The following EYA2 variants were observed in gnomAD, a reference collection of about 807,000 sequenced individuals.
EYA2 encodes the protein EYA transcriptional coactivator and phosphatase 2.
A neutral mutation model predicts 69.2 loss-of-function variants in EYA2; 31 were observed. The ratio of observed to expected loss-of-function variants is 0.45; its 90% confidence interval spans 0.34 to 0.60. EYA2 has a LOEUF of 0.60. Among genes scored for constraint, EYA2 ranks in the 20% least tolerant of loss-of-function variants. The probability of loss-of-function intolerance (pLI) is 0.02; values close to 1 mark genes in which losing one functional copy is unlikely to be tolerated. For missense variants in EYA2, 622 were observed against 701.2 expected (o/e 0.89, Z 1.28); for synonymous variants, 257 against 279.4 (o/e 0.92, Z 0.80).
intron 1 of EYA2, among the ~76,000 whole-genome samples, chr20:46,968,960 G>T (rs1346571890): frequency 6.6e-6 from 1 of 152,248 alleles, no homozygotes; most frequent in Non-Finnish European, 1.5e-5. Context: ...AAATCAACCA[G>T]TGTATGGAAA....
chr20:47,141,494 T>C (rs117145889), intron 9 of EYA2, among the ~76,000 whole-genome samples: 2 of 152,326 alleles, frequency 1.3e-5, no homozygotes, highest in East Asian at 1.9e-4. Context: ...GTGGAAACCA[T>C]TGTGCTGCAT....
chr20:46,925,402 A>G (rs1267069961), intron 1 of EYA2, among the ~76,000 whole-genome samples: 3 of 152,194 alleles, frequency 2.0e-5, no homozygotes, highest in Non-Finnish European at 4.4e-5. Flanking sequence ...ATAAATGACA[A>G]ACTGGGGGAA....
chr20:47,049,753 A>ACT (rs2030229131), intron 5 of EYA2, among the ~76,000 whole-genome samples: 2 of 152,108 alleles, frequency 1.3e-5, no homozygotes, highest in Non-Finnish European at 2.9e-5. Context: ...TGCTTTAAAA[A>ACT]TTACCCAGCT....
chr20:47,073,500 G>C (rs913075480), intron 6 of EYA2, among the ~76,000 whole-genome samples: 2 of 151,912 alleles, frequency 1.3e-5, no homozygotes, highest in South Asian at 2.1e-4. Flanking sequence ...GTCGTGGGGG[G>C]GGGGTGCAGT....
intron 1 of EYA2, among the ~76,000 whole-genome samples, chr20:46,960,857 G>A (rs1328125723): frequency 6.6e-6 from 1 of 152,108 alleles, no homozygotes; most frequent in East Asian, 1.9e-4. Flanking sequence ...AAGCTGTGGG[G>A]CCCCTTCCCT....
intron 14 of EYA2, 111 bp downstream of exon 14, chr20:47,181,047 G>T (rs544227364): frequency 6.9e-7 from 1 of 1,438,986 alleles, no homozygotes; most frequent in African/African-American, 1.4e-5. Context: ...TGGATGGAGT[G>T]TGCCTATGGC....
chr20:47,148,317 G>A lies in EYA2; in HGVS notation c.978+5169G>A, dbSNP rs912290567. 3.3e-5 allele frequency among the ~76,000 whole-genome samples: 5 copies of A among 152,146 alleles called. No homozygotes were observed. In the South Asian group the frequency reaches 1.0e-3, roughly 32 times the overall value. Reference sequence around the variant, plus strand: ...TCTAGGGCTGTAAGGATGGAGCTATGTGAAAGCAGTCAGCACAGAGCCTGG... The same window carrying A: ...TCTAGGGCTGTAAGGATGGAGCTATATGAAAGCAGTCAGCACAGAGCCTGG... On this transcript the variant is annotated intron_variant, in intron 10 of 15. Coordinates refer to ENST00000327619, the MANE Select transcript of EYA2 (RefSeq NM_005244.5).
chr20:47,036,768 CT>C (rs1373303363), intron 5 of EYA2, among the ~76,000 whole-genome samples: 1 of 152,178 alleles, frequency 6.6e-6, no homozygotes, highest in Non-Finnish European at 1.5e-5. Flanking sequence ...CCTATGTCAC[CT>C]GCATAACCAA....
At chr20:47,175,679 T>G in intron 12 of EYA2, among the ~76,000 whole-genome samples, 1 of 152,150 alleles carries the variant, frequency 6.6e-6, no homozygotes, top group African/African-American at 2.4e-5. Flanking sequence ...GGAAACAGCT[T>G]GAAGCACACT....
chr20:46,950,261 A>G lies in EYA2; in HGVS notation c.-10-39740A>G, dbSNP rs73908721. Among the ~76,000 whole-genome samples the G allele has an allele frequency of 7.8e-3, 1,190 of 152,296 alleles. 17 individuals are homozygous for G. The highest frequency in any genetic ancestry group is 0.027 in the African/African-American group (1,119 of 41,556). On this transcript the variant is annotated intron_variant, in intron 1 of 15. Transcript: ENST00000327619. ...GAATTATTATTTCCCAGCTGCCACT[A>G]ATCTGCAGGGGGACCTTGCAGCGAT...
At chr20:47,180,362 C>T (rs1020583731) in intron 13 of EYA2, among the ~76,000 whole-genome samples, 3 of 152,166 alleles carry the variant, frequency 2.0e-5, no homozygotes, top group African/African-American at 2.4e-5. Context: ...GTGCACAAGG[C>T]TCAGTGGATA....
chr20:47,122,582 T>G (rs998365949), intron 9 of EYA2, among the ~76,000 whole-genome samples: 1 of 151,794 alleles, frequency 6.6e-6, no homozygotes, highest in Non-Finnish European at 1.5e-5. Context: ...ACAGGCGTGT[T>G]TCTTAGTTTT....
chr20:47,108,763 A>G (rs547880117), intron 9 of EYA2, among the ~76,000 whole-genome samples: 1 of 151,774 alleles, frequency 6.6e-6, no homozygotes, highest in African/African-American at 2.4e-5. Context: ...CGAGGGTCTC[A>G]GTGGCTGGTC....
intron 9 of EYA2, among the ~76,000 whole-genome samples, chr20:47,102,695 C>T (rs746029964): frequency 3.3e-5 from 5 of 152,206 alleles, no homozygotes; most frequent in Non-Finnish European, 5.9e-5. Context: ...TTGAGGCTGT[C>T]ATCTCTTCAC....
rs149389348 is a variant in EYA2 at position 47,040,252 on chromosome 20, A to G, written c.415+23955A>G. Among the ~76,000 whole-genome samples the G allele has an allele frequency of 3.1e-4, 47 of 152,354 alleles. 1 individual carries two copies. The highest frequency in any genetic ancestry group is 1.1e-3 in the African/African-American group (47 of 41,592). On this transcript the variant is annotated intron_variant, in intron 5 of 15. Coordinates refer to ENST00000327619, the MANE Select transcript of EYA2 (RefSeq NM_005244.5). ...CCATCTTTTCTACAGTATTGGTTCT[A>G]TCTGCTAAATTCATTTCATACACAC...
chr20:47,162,307 ACT>A (rs1568818152), intron 10 of EYA2, among the ~76,000 whole-genome samples: 1 of 151,454 alleles, frequency 6.6e-6, no homozygotes. Flanking sequence ...ATGTTCCTAC[ACT>A]CCTCTCTGCC....
chr20:46,966,824 A>T (rs1568692335), intron 1 of EYA2, among the ~76,000 whole-genome samples: 1 of 129,400 alleles, frequency 7.7e-6, no homozygotes, highest in Non-Finnish European at 1.9e-5. Flanking sequence ...CAAAAAAAAA[A>T]ACTGTGAAAC....
At chr20:47,101,657 G>A (rs562318488) in intron 9 of EYA2, among the ~76,000 whole-genome samples, 1 of 152,314 alleles carries the variant, frequency 6.6e-6, no homozygotes, top group African/African-American at 2.4e-5. Context: ...GAAAACTGAT[G>A]AGGAAACATA....
chr20:47,128,560 C>T (rs1166205634), intron 9 of EYA2, among the ~76,000 whole-genome samples: 4 of 152,026 alleles, frequency 2.6e-5, no homozygotes, highest in Non-Finnish European at 2.9e-5. Flanking sequence ...GTTATCTGCC[C>T]TAAGCTTTTT....
Sources: gnomAD v4.1 joint callset for allele counts (sites outside exome capture counted in the v4.1 genomes callset) on GRCh38, gnomAD v4.1.1 for gene constraint, MANE v1.5 for transcripts, NCBI Gene and HGNC (gene_info 2026-07-23, HGNC 2026-07-21) for gene names.